The following PSKH2 variants were observed in gnomAD, a reference collection of about 807,000 sequenced individuals.
PSKH2 encodes the protein protein serine kinase H2.
In PSKH2, 16 loss-of-function variants were observed where a neutral mutation model predicts 22.5. That is an observed-to-expected ratio of 0.71 (90% CI 0.48 to 1.08). PSKH2 has a LOEUF of 1.08. PSKH2 is among the 50% of genes least tolerant of loss of function. PSKH2 has a pLI of 0.00. For synonymous variants in PSKH2, 188 were observed against 184.8 expected (o/e 1.02, Z -0.14); for missense variants, 516 against 492.8 (o/e 1.05, Z -0.44).
At chr8:86,051,294 G>C (rs1446051374) in intron 2 of PSKH2, among the ~76,000 whole-genome samples, 1 of 152,034 alleles carries the variant, frequency 6.6e-6, no homozygotes, top group Non-Finnish European at 1.5e-5. Flanking sequence ...CGCCACGTTA[G>C]CCAGGCTGGT....
chr8:86,068,851 G>T (rs558833926), intron 1 of PSKH2, among the ~76,000 whole-genome samples: 32 of 151,264 alleles, frequency 2.1e-4, no homozygotes, highest in South Asian at 6.3e-4. Context: ...CCCCACCTCC[G>T]AAGATAGGAA....
intron 2 of PSKH2, among the ~76,000 whole-genome samples, chr8:86,050,711 C>T (rs1234570646): frequency 6.6e-6 from 1 of 152,140 alleles, no homozygotes; most frequent in Non-Finnish European, 1.5e-5. Context: ...GAGAAAATTG[C>T]CCATACGTTT....
chr8:86,060,421 A>G (rs1256906873), intron 2 of PSKH2, among the ~76,000 whole-genome samples: 1 of 151,542 alleles, frequency 6.6e-6, no homozygotes, highest in East Asian at 1.9e-4. Context: ...TAAAATTGGT[A>G]CAATTAGCAA....
intron 2 of PSKH2, among the ~76,000 whole-genome samples, chr8:86,063,752 G>C (rs1207373041): frequency 6.6e-6 from 1 of 152,194 alleles, no homozygotes; most frequent in South Asian, 2.1e-4. Flanking sequence ...TTGCCCCACA[G>C]GGGACATTTA....
At chr8:86,054,966 G>A (rs1171858245) in intron 2 of PSKH2, among the ~76,000 whole-genome samples, 1 of 151,986 alleles carries the variant, frequency 6.6e-6, no homozygotes, top group Non-Finnish European at 1.5e-5. Flanking sequence ...AAAAAACAAC[G>A]TAACAGTGAC....
chr8:86,056,097 T>C (rs1817695101), intron 2 of PSKH2, among the ~76,000 whole-genome samples: 1 of 151,992 alleles, frequency 6.6e-6, no homozygotes, highest in Non-Finnish European at 1.5e-5. Flanking sequence ...AAGACCAGCC[T>C]GGGCAACATA....
chr8:86,064,587 AC>A lies in PSKH2; in HGVS notation c.229del (p.Val77LeufsTer4), dbSNP rs767090953. On this transcript the variant is annotated frameshift_variant, in exon 2 of 3. Coordinates refer to ENST00000276616, the MANE Select transcript of PSKH2 (RefSeq NM_033126.3). LOFTEE classifies it high-confidence loss of function. ...ALIGTGSFSR[V>X]VRVEQKTTKK... ...GGTGGTCTTCTGCTCTACCCTGACA[AC>A]CCTGCTGAAACTGCCTGTCCCAATA... The A allele has an allele frequency of 3.1e-6, 5 of 1,611,872 alleles. No homozygotes were observed. The highest frequency in any genetic ancestry group is 1.3e-5 in the African/African-American group (1 of 74,450).
chr8:86,048,419 A>T lies in PSKH2; in HGVS notation c.*43T>A, dbSNP rs1421118985. On this transcript the variant is annotated 3_prime_UTR_variant, in exon 3 of 3. Transcript: ENST00000276616. ...CTTGAGGGTGCCCTAATCATGATGAAATGGTCCTAAAATAGGCAAAAATAG... is the reference window on the plus strand; with the variant it reads ...CTTGAGGGTGCCCTAATCATGATGATATGGTCCTAAAATAGGCAAAAATAG... The T allele has an allele frequency of 1.3e-6, 2 of 1,499,158 alleles. No homozygotes were observed. The highest frequency in any genetic ancestry group is 2.8e-5 in the African/African-American group (2 of 72,422). The allele number at this position is 1,499,158 out of a possible 1,614,324, so 92.9% of individuals were successfully genotyped here.
At chr8:86,067,481 A>G (rs1351534278) in intron 1 of PSKH2, among the ~76,000 whole-genome samples, 1 of 150,396 alleles carries the variant, frequency 6.6e-6, no homozygotes, top group Non-Finnish European at 1.5e-5. Context: ...GCTGGGAAGA[A>G]TGCCTTTATA....
chr8:86,058,488 T>C (rs1404233095), intron 2 of PSKH2, among the ~76,000 whole-genome samples: 1 of 152,232 alleles, frequency 6.6e-6, no homozygotes, highest in East Asian at 1.9e-4. Context: ...CAGAATCTTT[T>C]AATATTTTTC....
At position 86,047,203 on chromosome 8, in the gene PSKH2, T is replaced by A. The variant is rs956089695; in HGVS notation, c.*1259A>T. On this transcript the variant is annotated 3_prime_UTR_variant, in exon 3 of 3. Coordinates refer to ENST00000276616, the MANE Select transcript of PSKH2 (RefSeq NM_033126.3). Reference sequence around the variant, plus strand: ...TACTCATTAGCCATCTATATGTTTATAAACCACCTGGTAAAATATTTGCCC... The same window carrying A: ...TACTCATTAGCCATCTATATGTTTAAAAACCACCTGGTAAAATATTTGCCC... Among the ~76,000 whole-genome samples, 2 of 152,232 alleles carry A rather than the reference T, an allele frequency of 1.3e-5. No homozygotes were observed. Among genetic ancestry groups the A allele is most frequent in the African/African-American group, 4.8e-5 (2 of 41,464 alleles).
rs1332584714 is a variant in PSKH2, at chr8:86,049,785, AAAGG to A, written c.853-1022_853-1019del. On this transcript the variant is annotated intron_variant, in intron 2 of 2. Transcript: ENST00000276616. ...AAAGAAAGAGAAAAGAAAGAAAAAGAAAGGAAGAAAGGAAGAGAGAAAGAGGAAG... is the reference window on the plus strand; with the variant it reads ...AAAGAAAGAGAAAAGAAAGAAAAAGAAAGAAAGGAAGAGAGAAAGAGGAAG... 3.9e-5 allele frequency among the ~76,000 whole-genome samples: 3 copies of A among 76,282 alleles called. No homozygotes were observed. In the East Asian group the frequency reaches 2.2e-3, roughly 56 times the overall value. The allele number at this position is 76,282 out of a possible 152,430, so 50.0% of individuals were successfully genotyped here. A position where few individuals can be genotyped will look rare whatever the true frequency, so the allele number is the denominator to read the frequency against.
In PSKH2 at chr8:86,061,578, C is replaced by T. The variant is rs147318816; in HGVS notation, c.852+2387G>A. The stretch of plus-strand genomic sequence containing the variant: ...CTTCCATACCTCCCTTTTGGAATAT[C>T]CCCTTCCCTCAGCTGTCATGTAAGA... On this transcript the variant is annotated intron_variant, in intron 2 of 2. Transcript: ENST00000276616. 1.3e-3 allele frequency among the ~76,000 whole-genome samples: 193 copies of T among 152,218 alleles called. 1 individual carries two copies. Among genetic ancestry groups the T allele is most frequent in the Middle Eastern group, 3.4e-3 (1 of 294 alleles).
At chr8:86,060,223 G>A (rs1817757147) in intron 2 of PSKH2, among the ~76,000 whole-genome samples, 1 of 152,044 alleles carries the variant, frequency 6.6e-6, no homozygotes, top group Non-Finnish European at 1.5e-5. Flanking sequence ...TGTACAGTAT[G>A]AAAACTTCAG....
In PSKH2 at chr8:86,047,197, T is replaced by C. The variant is rs1337139261; in HGVS notation, c.*1265A>G. Among the ~76,000 whole-genome samples, 1 of 152,242 alleles carries C rather than the reference T, an allele frequency of 6.6e-6. No homozygotes were observed. Among genetic ancestry groups the C allele is most frequent in the Admixed American group, 6.5e-5 (1 of 15,284 alleles). On this transcript the variant is annotated 3_prime_UTR_variant, in exon 3 of 3. Coordinates refer to ENST00000276616, the MANE Select transcript of PSKH2 (RefSeq NM_033126.3). ...TTCATTTACTCATTAGCCATCTATA[T>C]GTTTATAAACCACCTGGTAAAATAT...
intron 2 of PSKH2, among the ~76,000 whole-genome samples, chr8:86,049,738 GAAAGAAAGA>G (rs1817596748): frequency 2.8e-5 from 1 of 35,444 alleles, no homozygotes; most frequent in South Asian, 1.4e-3. Flanking sequence ...AAGAAAGAAA[GAAAGAAAGA>G]AACGAAAGAA....
chr8:86,047,399 A>G lies in PSKH2; in HGVS notation c.*1063T>C, dbSNP rs1817542137. ...TCAGATATATAGCTGTTCCATCTAT[A>G]TAGCCTAAAAGAGAAAAATAAAATG... On this transcript the variant is annotated 3_prime_UTR_variant, in exon 3 of 3. Transcript: ENST00000276616. 6.6e-6 allele frequency among the ~76,000 whole-genome samples: 1 copy of G among 152,124 alleles called. No homozygotes were observed. Among genetic ancestry groups the G allele is most frequent in the Non-Finnish European group, 1.5e-5 (1 of 67,992 alleles).
chr8:86,062,557 G>T (rs544279989), intron 2 of PSKH2, among the ~76,000 whole-genome samples: 1 of 152,046 alleles, frequency 6.6e-6, no homozygotes, highest in African/African-American at 2.4e-5. Flanking sequence ...GATAGTGAGC[G>T]AGTTCTAACG....
intron 2 of PSKH2, among the ~76,000 whole-genome samples, chr8:86,055,497 T>C (rs1006797355): frequency 2.0e-5 from 3 of 152,224 alleles, no homozygotes; most frequent in Non-Finnish European, 4.4e-5. Flanking sequence ...CCACTAAAAT[T>C]ATTTTCTATA....
Sources: gnomAD v4.1 joint callset for allele counts (sites outside exome capture counted in the v4.1 genomes callset) on GRCh38, gnomAD v4.1.1 for gene constraint, MANE v1.5 for transcripts, NCBI Gene and HGNC (gene_info 2026-07-23, HGNC 2026-07-21) for gene names.